Variants in C1QTNF1 observed in about 807,000 individuals in gnomAD.
C1QTNF1 encodes complement C1q tumor necrosis factor-related protein 1.
C1QTNF1 carries 22 observed loss-of-function variants against 27.8 expected under a neutral mutation model. That is an observed-to-expected ratio of 0.79 (90% CI 0.56 to 1.13). The LOEUF (loss-of-function observed/expected upper bound fraction) is 1.13. Among genes scored for constraint, C1QTNF1 ranks in the 50% most tolerant of loss-of-function variants. The pLI is 0.00. For missense variants in C1QTNF1, 373 were observed against 380.2 expected, an observed-to-expected ratio of 0.98 and a Z score of 0.16; for synonymous variants, 166 against 154.3, an observed-to-expected ratio of 1.08 and a Z score of -0.56.
At position 79,046,700 on chromosome 17, in the gene C1QTNF1, A is replaced by G; in HGVS notation, c.295+6A>G. 5.6e-6 allele frequency: 9 copies of G among 1,614,120 alleles called. No homozygotes were observed. The highest frequency in any genetic ancestry group is 7.6e-6 in the Non-Finnish European group (9 of 1,179,992). On this transcript the variant is annotated splice_donor_region_variant and intron_variant, in intron 3 of 3. Coordinates refer to ENST00000579760, the MANE Select transcript of C1QTNF1 (RefSeq NM_030968.5). The surrounding 1 kb of genome is among the most constrained non-coding windows in gnomAD (Gnocchi z 4.8). ...CAACATCACTATCTTGAAAGGTCAG[A>G]TGGCTGCAAAGACAAGCACGGGGTG...
intron 1 of C1QTNF1, 129 bp from the exon 2 acceptor site, chr17:79,043,826 T>C: frequency 1.0e-6 from 1 of 971,756 alleles, no homozygotes; most frequent in Non-Finnish European, 1.6e-6. Context: ...ACTGCAGCAT[T>C]TCCCAGTGGC....
rs1388827946 is a variant in C1QTNF1 at position 79,049,451 on chromosome 17, C to G, written c.*1363C>G. On this transcript the variant is annotated 3_prime_UTR_variant, in exon 4 of 4. Transcript: ENST00000579760. The surrounding 1 kb of genome is among the most constrained non-coding windows in gnomAD (Gnocchi z 4.4). ...ACGGTGCTCTCGCCCTGCCCATGGC[C>G]ACCCCAGACTCTGATCTCCAGGAAC... 6.6e-6 allele frequency: 1 copy of G among 152,454 alleles called. No homozygotes were observed. The highest frequency in any genetic ancestry group is 1.5e-5 in the Non-Finnish European group (1 of 68,250). 9.4% of individuals were successfully genotyped at this position (152,454 alleles called of 1,614,324 possible).
At chr17:79,044,314 C>T (rs2072509751) in intron 2 of C1QTNF1, among the ~76,000 whole-genome samples, 191 bp downstream of exon 2, 1 of 152,184 alleles carries the variant, frequency 6.6e-6, no homozygotes, top group South Asian at 2.1e-4. Context: ...GCTTGGGCAC[C>T]TCACCTGAAA....
intron 1 of C1QTNF1, among the ~76,000 whole-genome samples, chr17:79,038,737 C>T (rs573428783): frequency 6.6e-6 from 1 of 152,302 alleles, no homozygotes; most frequent in Admixed American, 6.5e-5. Context: ...GGGACACAGC[C>T]TCCCTACTGT....
intron 1 of C1QTNF1, among the ~76,000 whole-genome samples, chr17:79,036,323 C>T (rs1393258910): frequency 6.6e-6 from 1 of 152,160 alleles, no homozygotes; most frequent in Non-Finnish European, 1.5e-5. Context: ...TACAGGTGCA[C>T]ACTACCATGC....
At position 79,048,167 on chromosome 17, in the gene C1QTNF1, G is replaced by A; in HGVS notation, c.*79G>A. 1 of 936,862 alleles carries A rather than the reference G, an allele frequency of 1.1e-6. No individual in the cohort carries two copies. Among genetic ancestry groups the A allele is most frequent in the East Asian group, 8.4e-5 (1 of 11,860 alleles). The allele number at this position is 936,862 out of a possible 1,614,324, so 58.0% of individuals were successfully genotyped here. A position where few individuals can be genotyped will look rare whatever the true frequency, so the allele number is the denominator to read the frequency against. ...CCCCACCGCCTCTTCCCCGATCCCTGGACTCCGACTCCCTGGCTTTGGCAT... is the reference window on the plus strand; with the variant it reads ...CCCCACCGCCTCTTCCCCGATCCCTAGACTCCGACTCCCTGGCTTTGGCAT... On this transcript the variant is annotated 3_prime_UTR_variant, in exon 4 of 4. Coordinates refer to ENST00000579760, the MANE Select transcript of C1QTNF1 (RefSeq NM_030968.5).
upstream of C1QTNF1, among the ~76,000 whole-genome samples, chr17:79,023,581 G>T (rs2071829977): frequency 1.3e-5 from 2 of 152,254 alleles, no homozygotes; most frequent in Admixed American, 1.3e-4. Flanking sequence ...CTGTACTCGT[G>T]CTGTTCTCTA....
At chr17:79,035,063 C>G (rs185319671) in intron 1 of C1QTNF1, among the ~76,000 whole-genome samples, 1 of 152,184 alleles carries the variant, frequency 6.6e-6, no homozygotes, top group African/African-American at 2.4e-5. Context: ...TGCCCGCCTC[C>G]TGCCCATCAC....
At chr17:79,033,425 G>T (rs2072186871) in intron 1 of C1QTNF1, among the ~76,000 whole-genome samples, 1 of 152,178 alleles carries the variant, frequency 6.6e-6, no homozygotes, top group African/African-American at 2.4e-5. Context: ...CAGGCAGAAA[G>T]AGGTCAGGCA....
In C1QTNF1 at chr17:79,048,673, C is replaced by T. The variant is rs1470575023; in HGVS notation, c.*585C>T. ...GGAACTTTCTTGAGGGATAGGTGGA[C>T]CCTGACATCCCTGTGGCCTTGCCCA... On this transcript the variant is annotated 3_prime_UTR_variant, in exon 4 of 4. Coordinates refer to ENST00000579760, the MANE Select transcript of C1QTNF1 (RefSeq NM_030968.5). 1 of 152,222 alleles carries T rather than the reference C, an allele frequency of 6.6e-6. No homozygotes were observed. Among genetic ancestry groups the T allele is most frequent in the Non-Finnish European group, 1.5e-5 (1 of 68,060 alleles). 9.4% of individuals were successfully genotyped at this position (152,222 alleles called of 1,614,324 possible).
chr17:79,047,643 TG>T lies in C1QTNF1; in HGVS notation c.406del (p.Ala136ProfsTer30). 1 of 1,606,786 alleles carries T rather than the reference TG, an allele frequency of 6.2e-7. No individual in the cohort carries two copies. Among genetic ancestry groups the T allele is most frequent in the Non-Finnish European group, 8.5e-7 (1 of 1,175,210 alleles). ...HTGPKGQKGS[M>X]GAPGERCKSH... ...GGACCCAAAGGGCAGAAGGGCTCCA[TG>T]GGGGCCCCTGGGGAGCGGTGCAAGA... On this transcript the variant is annotated frameshift_variant, in exon 4 of 4. Transcript: ENST00000579760. LOFTEE classifies it high-confidence loss of function.
rs539787925 is a variant in C1QTNF1 at position 79,043,397 on chromosome 17, G to T, written c.-14-558G>T. ...GTGGACTGTGTATGTGCATGTATGT[G>T]CATGTGAGTGTGAGTGTATGTGTGT... On this transcript the variant is annotated intron_variant, in intron 1 of 3. Transcript: ENST00000579760. 3.5e-5 allele frequency: 16 copies of T among 452,534 alleles called. No homozygotes were observed. The East Asian group carries it at 1.1e-3, about 32-fold the overall frequency. 28.0% of individuals were successfully genotyped at this position (452,534 alleles called of 1,614,324 possible).
rs533227300 is a variant in C1QTNF1, at chr17:79,027,929, G to A, written c.-15+3435G>A. On this transcript the variant is annotated intron_variant, in intron 1 of 3. Transcript: ENST00000579760. ...AGTCCCCACTGTACACCAGGGCACTGCTATCTTGCCTCTGAGGCCCCCTGG... is the reference window on the plus strand; with the variant it reads ...AGTCCCCACTGTACACCAGGGCACTACTATCTTGCCTCTGAGGCCCCCTGG... Among the ~76,000 whole-genome samples, 3 of 152,352 alleles carry A rather than the reference G, an allele frequency of 2.0e-5. No homozygotes were observed. The South Asian group carries it at 6.2e-4, about 32-fold the overall frequency.
At chr17:79,042,032 G>C (rs950610328) in intron 1 of C1QTNF1, among the ~76,000 whole-genome samples, 1 of 152,252 alleles carries the variant, frequency 6.6e-6, no homozygotes, top group Non-Finnish European at 1.5e-5. Context: ...TCAAGAAAGA[G>C]CTGGAGTCCA....
At chr17:79,026,718 G>A (rs1030629798) in intron 1 of C1QTNF1, among the ~76,000 whole-genome samples, 9 of 152,250 alleles carry the variant, frequency 5.9e-5, no homozygotes, top group African/African-American at 1.4e-4. Flanking sequence ...GGCGCTGTGC[G>A]GCTACAGGAC....
chr17:79,041,823 C>G, intron 1 of C1QTNF1: 1 of 151,264 alleles, frequency 6.6e-6, no homozygotes, highest in East Asian at 1.9e-4. Context: ...GGCTCCAAAG[C>G]CCCCGAGCGA....
At chr17:79,036,581 C>T (rs1043733585) in intron 1 of C1QTNF1, among the ~76,000 whole-genome samples, 1 of 152,190 alleles carries the variant, frequency 6.6e-6, no homozygotes, top group East Asian at 1.9e-4. Flanking sequence ...AATAGCCACA[C>T]ATAACAGCCA....
At chr17:79,027,121 G>T (rs560091102) in intron 1 of C1QTNF1, among the ~76,000 whole-genome samples, 1 of 151,968 alleles carries the variant, frequency 6.6e-6, no homozygotes, top group African/African-American at 2.4e-5. Flanking sequence ...CCTTAGGGAA[G>T]GGGTGGGGGT....
In C1QTNF1 at chr17:79,046,466, AG is replaced by A; in HGVS notation, c.156-87del. On this transcript the variant is annotated intron_variant, in intron 2 of 3. Transcript: ENST00000579760. This position sits in a 1 kb window ranked among gnomAD's most constrained non-coding sequence, Gnocchi z 4.8. Reference sequence around the variant, plus strand: ...AGGTGAGAGAGTGAGAAGGCAGGTCAGGCATGCCAGAACCACTGGCAGCAGG... The same window carrying A: ...AGGTGAGAGAGTGAGAAGGCAGGTCAGCATGCCAGAACCACTGGCAGCAGG... The A allele has an allele frequency of 6.5e-7, 1 of 1,547,564 alleles. No homozygotes were observed. The highest frequency in any genetic ancestry group is 8.8e-7 in the Non-Finnish European group (1 of 1,130,490).
Sources: allele counts gnomAD v4.1 joint callset (sites outside exome capture counted in the v4.1 genomes callset), GRCh38; gene constraint gnomAD v4.1.1; non-coding constraint Gnocchi (gnomAD v3.1); transcripts MANE v1.5; gene names NCBI Gene and HGNC (gene_info 2026-07-23, HGNC 2026-07-21).